The following PDE4D variants were observed in gnomAD, a reference collection of about 807,000 sequenced individuals.
PDE4D encodes the protein 3',5'-cyclic-AMP phosphodiesterase 4D.
PDE4D carries 24 observed loss-of-function variants against 87.4 expected under a neutral mutation model. That is an observed-to-expected ratio of 0.27 (90% CI 0.20 to 0.39). The LOEUF (loss-of-function observed/expected upper bound fraction) is 0.39, where lower values mean the gene tolerates loss of function less well. Among genes scored for constraint, PDE4D ranks in the 10% least tolerant of loss-of-function variants. PDE4D has a pLI of 1.00. For synonymous variants in PDE4D, 384 were observed against 383.2 expected, an observed-to-expected ratio of 1.00 and a Z score of -0.02; for missense variants, 714 against 1,041.0, an observed-to-expected ratio of 0.69 and a Z score of 4.32.
At chr5:59,447,816 T>C (rs569592220) in intron 1 of PDE4D, among the ~76,000 whole-genome samples, 1 of 152,340 alleles carries the variant, frequency 6.6e-6, no homozygotes, top group South Asian at 2.1e-4. Flanking sequence ...GCCAATGGCA[T>C]GTGCATGGAA....
At position 59,931,757 on chromosome 5, in the gene PDE4D, A is replaced by G. The variant is rs373611395; in HGVS notation, c.272+56731T>C. 5.5e-3 allele frequency among the ~76,000 whole-genome samples: 758 copies of G among 137,724 alleles called. 8 individuals carry two copies. The highest frequency in any genetic ancestry group is 0.02 in the African/African-American group (723 of 36,440). The allele number at this position is 137,724 out of a possible 152,430, so 90.4% of individuals were successfully genotyped here. ...CACTCTGTCGCCCAGGCTGGAGTGC[A>G]GTGGTGCAATCTCAGCTCACTGCAA... On this transcript the variant is annotated intron_variant, in intron 3 of 16. Transcript: ENST00000502484.
intron 2 of PDE4D, among the ~76,000 whole-genome samples, chr5:60,124,644 C>G (rs1778974970): frequency 6.6e-6 from 1 of 152,150 alleles, no homozygotes; most frequent in Admixed American, 6.6e-5. Flanking sequence ...ATTTACATAG[C>G]AACCTGCCAT....
intron 11 of PDE4D, among the ~76,000 whole-genome samples, chr5:58,987,998 AAAC>A (rs1351153787): frequency 6.6e-6 from 1 of 152,166 alleles, no homozygotes; most frequent in Non-Finnish European, 1.5e-5. Flanking sequence ...CAGTGAGAAA[AAAC>A]CAAATGGTTG....
chr5:60,241,475 T>C lies in PDE4D; in HGVS notation c.-89-55788A>G, dbSNP rs567008957. 3.3e-5 allele frequency among the ~76,000 whole-genome samples: 5 copies of C among 152,166 alleles called. No individual in the cohort carries two copies. In the East Asian group the frequency reaches 7.8e-4, roughly 24 times the overall value. On this transcript the variant is annotated intron_variant, in intron 1 of 16. Coordinates refer to the PDE4D transcript ENST00000502484. ...TTTTAGTAGAGACGTGGTTTCACCA[T>C]GTTGGCCAGGCTGGTCTCAAACTCC...
intron 2 of PDE4D, among the ~76,000 whole-genome samples, chr5:59,207,443 C>T (rs932664328): frequency 2.6e-5 from 4 of 151,796 alleles, no homozygotes; most frequent in African/African-American, 9.7e-5. Flanking sequence ...CATCTAGGGG[C>T]CGTGTTTCAT....
chr5:59,360,093 G>T (rs1159247236), intron 1 of PDE4D, among the ~76,000 whole-genome samples: 1 of 152,218 alleles, frequency 6.6e-6, no homozygotes, highest in East Asian at 1.9e-4. Context: ...GCAAATTTGG[G>T]TTTCGGTGTC....
intron 1 of PDE4D, among the ~76,000 whole-genome samples, chr5:59,401,478 A>ATCTATCTGTCTGTCTG (rs150045951): frequency 0.2 from 30,434 of 150,862 alleles, 3,141 homozygotes; most frequent in East Asian, 0.29. Context: ...CTATCTATCT[A>ATCTATCTGTCTGTCTG]TCTATCTATT....
At chr5:59,148,750 T>C (rs1408082536) in intron 5 of PDE4D, among the ~76,000 whole-genome samples, 1 of 131,920 alleles carries the variant, frequency 7.6e-6, no homozygotes, top group African/African-American at 2.8e-5. Context: ...ATAAAATATA[T>C]AGCGGTGTGT....
At chr5:59,110,849 GCAT>G (rs1321720646) in intron 5 of PDE4D, among the ~76,000 whole-genome samples, 1 of 152,120 alleles carries the variant, frequency 6.6e-6, no homozygotes, top group Non-Finnish European at 1.5e-5. Flanking sequence ...CCCAGACTGG[GCAT>G]CAGAGCTAGA....
intron 1 of PDE4D, among the ~76,000 whole-genome samples, chr5:59,727,982 C>T (rs1756845369): frequency 6.6e-6 from 1 of 152,066 alleles, no homozygotes; most frequent in South Asian, 2.1e-4. Flanking sequence ...ATCTTTGCAT[C>T]TTGTCTTCTT....
intron 3 of PDE4D, among the ~76,000 whole-genome samples, chr5:59,957,794 T>C (rs1169585647): frequency 6.6e-6 from 1 of 152,102 alleles, no homozygotes; most frequent in Admixed American, 6.6e-5. Context: ...GTTCTGAAAA[T>C]GAGTGAATTT....
At position 59,608,187 on chromosome 5, in the gene PDE4D, G is replaced by A. The variant is rs139066837; in HGVS notation, c.455+284981C>T. On this transcript the variant is annotated intron_variant, in intron 1 of 14. Coordinates refer to ENST00000340635, the MANE Select transcript of PDE4D (RefSeq NM_001104631.2). ...GTTTCAACAATTTTTTGATTAATCCGAAAAGAACCCTGGTATGTGAAATCA... is the reference window on the plus strand; with the variant it reads ...GTTTCAACAATTTTTTGATTAATCCAAAAAGAACCCTGGTATGTGAAATCA... Among the ~76,000 whole-genome samples the A allele has an allele frequency of 1.3e-3, 197 of 152,100 alleles. 1 individual carries two copies. Among genetic ancestry groups the A allele is most frequent in the African/African-American group, 4.4e-3 (183 of 41,498 alleles).
At chr5:59,128,684 T>C (rs1030731978) in intron 5 of PDE4D, among the ~76,000 whole-genome samples, 3 of 152,224 alleles carry the variant, frequency 2.0e-5, no homozygotes, top group Admixed American at 6.5e-5. Context: ...CACATCAGAA[T>C]TGTCTTGGTA....
rs1027397271 is a variant in PDE4D at position 59,590,575 on chromosome 5, T to C, written c.455+302593A>G. On this transcript the variant is annotated intron_variant, in intron 1 of 14. Transcript: ENST00000340635. The stretch of plus-strand genomic sequence containing the variant: ...ATCTTTATGGCTAATCTCAGCCCCA[T>C]TATTTTTATCAATACAGGAGTGCGA... 6.6e-5 allele frequency among the ~76,000 whole-genome samples: 10 copies of C among 152,246 alleles called. No homozygotes were observed. The East Asian group carries it at 1.7e-3, about 26-fold the overall frequency.
At chr5:60,424,367 G>A (rs145617564) in intron 1 of PDE4D, among the ~76,000 whole-genome samples, 5 of 152,308 alleles carry the variant, frequency 3.3e-5, no homozygotes, top group African/African-American at 1.2e-4. Flanking sequence ...GGGATGCAAG[G>A]CTGGTTCAAC....
At chr5:60,209,100 G>A (rs2149567119) in intron 1 of PDE4D, among the ~76,000 whole-genome samples, 1 of 152,016 alleles carries the variant, frequency 6.6e-6, no homozygotes, top group East Asian at 1.9e-4. Flanking sequence ...AATCTGTGCT[G>A]GAAACCTCTA....
intron 2 of PDE4D, among the ~76,000 whole-genome samples, chr5:60,077,679 G>T (rs545379155): frequency 1.2e-4 from 18 of 152,276 alleles, no homozygotes; most frequent in Non-Finnish European, 1.9e-4. Flanking sequence ...AGGGAGATGG[G>T]TGTCCCTGGC....
chr5:59,890,254 T>TACACAC lies in PDE4D; in HGVS notation c.455+2908_455+2913dup, dbSNP rs56258601. ...TGATGGTAAGATGGTGGTGCGCACG[T>TACACAC]ACACACACACACACACACACACACA... On this transcript the variant is annotated intron_variant, in intron 1 of 14. Coordinates refer to ENST00000340635, the MANE Select transcript of PDE4D (RefSeq NM_001104631.2). 2.0e-3 allele frequency among the ~76,000 whole-genome samples: 294 copies of TACACAC among 145,454 alleles called. 2 individuals are homozygous for TACACAC. The Middle Eastern group carries it at 0.021, about 10-fold the overall frequency.
intron 1 of PDE4D, chr5:59,768,238 A>C: frequency 6.3e-7 from 1 of 1,598,058 alleles, no homozygotes; most frequent in Non-Finnish European, 8.5e-7. Flanking sequence ...AGGTCTGCGC[A>C]AACCTTACCA....
Sources: allele counts gnomAD v4.1 joint callset (sites outside exome capture counted in the v4.1 genomes callset), GRCh38; gene constraint gnomAD v4.1.1; transcripts MANE v1.5; gene names NCBI Gene and HGNC (gene_info 2026-07-23, HGNC 2026-07-21).